Variants in CSGALNACT1 observed in about 807,000 individuals in gnomAD.
CSGALNACT1 encodes beta4GalNAcT-1.
CSGALNACT1 carries 52 observed loss-of-function variants against 51.0 expected under a neutral mutation model. The observed-to-expected ratio is 1.02, with a 90% CI of 0.82 to 1.29. CSGALNACT1 has a LOEUF of 1.29. Among genes scored for constraint, CSGALNACT1 ranks in the 50% most tolerant of loss-of-function variants. CSGALNACT1 has a pLI of 0.00. For synonymous variants in CSGALNACT1, 341 were observed against 254.4 expected (o/e 1.34, Z -3.24); for missense variants, 935 against 679.2 (o/e 1.38, Z -4.19).
chr8:19,546,454 G>T (rs140448694), intron 3 of CSGALNACT1, among the ~76,000 whole-genome samples: 145 of 152,256 alleles, frequency 9.5e-4, no homozygotes, highest in African/African-American at 3.3e-3. Flanking sequence ...ATAGAACATT[G>T]AAATAACTAT....
Position 19,564,286 on chromosome 8 carries a change from G to C in CSGALNACT1, c.-297+26874C>G, listed in dbSNP as rs141628470. 9.2e-5 allele frequency among the ~76,000 whole-genome samples: 14 copies of C among 152,118 alleles called. No homozygotes were observed. The East Asian group carries it at 2.5e-3, about 27-fold the overall frequency. On this transcript the variant is annotated intron_variant, in intron 3 of 9. Coordinates refer to ENST00000454498, the Ensembl canonical transcript of CSGALNACT1. ...AATTACCCATGCTGGTTTCCTGTTAGATTAGAATCCCTCTGGGCACAAAAC... is the reference window on the plus strand; with the variant it reads ...AATTACCCATGCTGGTTTCCTGTTACATTAGAATCCCTCTGGGCACAAAAC...
chr8:19,645,558 G>T (rs889912419), intron 1 of CSGALNACT1, among the ~76,000 whole-genome samples: 1 of 152,218 alleles, frequency 6.6e-6, no homozygotes, highest in Non-Finnish European at 1.5e-5. Flanking sequence ...AGATAACAAG[G>T]AACCTCGAAG....
intron 1 of CSGALNACT1, among the ~76,000 whole-genome samples, chr8:19,705,880 G>C (rs775571328): frequency 1.1e-4 from 16 of 152,140 alleles, no homozygotes; most frequent in Non-Finnish European, 2.1e-4. Context: ...AGTTAAAGCT[G>C]AATAATCGAA....
chr8:19,489,602 AG>A (rs2073911012), intron 4 of CSGALNACT1, among the ~76,000 whole-genome samples: 1 of 152,192 alleles, frequency 6.6e-6, no homozygotes, highest in South Asian at 2.1e-4. Flanking sequence ...GGTATGAGAA[AG>A]GGTCCCTCAT....
chr8:19,655,058 C>T (rs1452739036), intron 1 of CSGALNACT1, among the ~76,000 whole-genome samples: 1 of 152,056 alleles, frequency 6.6e-6, no homozygotes, highest in Non-Finnish European at 1.5e-5. Context: ...GAGTAATAAG[C>T]CAATAAATGT....
chr8:19,406,196 C>A, intron 9 of CSGALNACT1, 127 bp from the exon 9 acceptor site: 1 of 1,107,166 alleles, frequency 9.0e-7, no homozygotes, highest in Non-Finnish European at 1.4e-6. Flanking sequence ...ACCACCCCTC[C>A]AAGGTACGAG....
chr8:19,561,696 T>C (rs1044389582), intron 3 of CSGALNACT1, among the ~76,000 whole-genome samples: 1 of 152,246 alleles, frequency 6.6e-6, no homozygotes, highest in Non-Finnish European at 1.5e-5. Context: ...ATGATTCTTT[T>C]ACCCCTCTGA....
chr8:19,502,928 T>C (rs952587733), intron 4 of CSGALNACT1, among the ~76,000 whole-genome samples: 1 of 150,998 alleles, frequency 6.6e-6, no homozygotes, highest in Non-Finnish European at 1.5e-5. Context: ...CAGTTGATGA[T>C]AGAATTCTTG....
chr8:19,458,473 A>G (rs1032918799), exon 5 of CSGALNACT1: 5 of 1,614,068 alleles, frequency 3.1e-6, no homozygotes, highest in Non-Finnish European at 4.2e-6. Flanking sequence ...TTTTTGCTAG[A>G]GGCACGATAA....
intron 1 of CSGALNACT1, among the ~76,000 whole-genome samples, chr8:19,720,351 C>T (rs773173367): frequency 2.8e-4 from 42 of 152,216 alleles, no homozygotes; most frequent in Middle Eastern, 6.8e-3. Context: ...ATAAGAAACT[C>T]GGAGGAATAA....
At chr8:19,508,861 G>C (rs2077888852) in intron 3 of CSGALNACT1, among the ~76,000 whole-genome samples, 2 of 152,156 alleles carry the variant, frequency 1.3e-5, no homozygotes, top group African/African-American at 4.8e-5. Flanking sequence ...TCGGTGATTT[G>C]AAAATTTAAA....
At chr8:19,473,884 C>A (rs2068777805) in intron 4 of CSGALNACT1, among the ~76,000 whole-genome samples, 1 of 152,186 alleles carries the variant, frequency 6.6e-6, no homozygotes, top group Admixed American at 6.5e-5. Context: ...GCCCAGAAAA[C>A]AGGTCACAAT....
chr8:19,671,143 G>A (rs886852019), intron 1 of CSGALNACT1, among the ~76,000 whole-genome samples: 1 of 152,180 alleles, frequency 6.6e-6, no homozygotes, highest in African/African-American at 2.4e-5. Context: ...GGCCTGAAGG[G>A]TGTTGGAAAG....
chr8:19,568,884 C>G (rs886358297), intron 3 of CSGALNACT1, among the ~76,000 whole-genome samples: 16 of 152,290 alleles, frequency 1.1e-4, no homozygotes, highest in South Asian at 6.2e-4. Flanking sequence ...TTTCAAAATT[C>G]TCCCTTAGCC....
At chr8:19,584,142 G>T (rs1330436518) in intron 3 of CSGALNACT1, among the ~76,000 whole-genome samples, 3 of 152,142 alleles carry the variant, frequency 2.0e-5, no homozygotes, top group African/African-American at 7.2e-5. Context: ...CCAGACTTGT[G>T]ACTTTTGAAA....
intron 1 of CSGALNACT1, among the ~76,000 whole-genome samples, chr8:19,731,834 G>A (rs1282175586): frequency 2.0e-5 from 3 of 152,150 alleles, no homozygotes; most frequent in Admixed American, 1.3e-4. Flanking sequence ...ATTGTATATT[G>A]AGAACTCTTT....
intron 3 of CSGALNACT1, among the ~76,000 whole-genome samples, chr8:19,557,774 G>T (rs1489532568): frequency 6.6e-6 from 1 of 151,958 alleles, no homozygotes; most frequent in South Asian, 2.1e-4. Context: ...TTATTATAAA[G>T]CTCTTTGTTT....
intron 4 of CSGALNACT1, among the ~76,000 whole-genome samples, chr8:19,488,118 G>A (rs2073430706): frequency 6.6e-6 from 1 of 151,934 alleles, no homozygotes; most frequent in South Asian, 2.1e-4. Context: ...GGGAGGACGA[G>A]GTGGGTGGAT....
At chr8:19,741,500 T>C (rs1366142983) in intron 1 of CSGALNACT1, among the ~76,000 whole-genome samples, 1 of 146,174 alleles carries the variant, frequency 6.8e-6, no homozygotes, top group Non-Finnish European at 1.5e-5. Flanking sequence ...GAAGCGGAGG[T>C]TGCAGTGAGC....
Sources: gnomAD v4.1 joint callset for allele counts (sites outside exome capture counted in the v4.1 genomes callset) on GRCh38, gnomAD v4.1.1 for gene constraint, MANE v1.5 for transcripts, NCBI Gene and HGNC (gene_info 2026-07-23, HGNC 2026-07-21) for gene names.